PAPPA: variants seen among roughly 807,000 people sequenced by gnomAD.
The protein encoded by PAPPA is pappalysin-1.
Under a neutral mutation model 164.0 loss-of-function variants are expected in PAPPA, and 60 were observed. The ratio of observed to expected loss-of-function variants is 0.37; its 90% CI spans 0.30 to 0.45. The LOEUF is 0.45. Ranked by LOEUF, PAPPA falls within the 20% of genes least tolerant of loss-of-function variation. PAPPA has a pLI of 1.00. For synonymous variants in PAPPA, 875 were observed against 814.1 expected (o/e 1.07, Z -1.27); for missense variants, 1,782 against 2,087.3 (o/e 0.85, Z 2.85).
rs375942728 is a variant in PAPPA, at chr9:116,400,032, AGAAAG to A, written c.*3417_*3421del. On this transcript the variant is annotated 3_prime_UTR_variant, in exon 22 of 22. Transcript: ENST00000328252. ...TCTTACCTGTGTGAAAGAAAGAAAA[AGAAAG>A]AAAGAAAGAAAGAGAAAGGAAATTA... 109 of 143,026 alleles carry A rather than the reference AGAAAG, an allele frequency of 7.6e-4. No homozygotes were observed. The highest frequency in any genetic ancestry group is 2.6e-3 in the African/African-American group (107 of 40,710). 8.9% of individuals were successfully genotyped at this position (143,026 alleles called of 1,614,324 possible).
intron 7 of PAPPA, among the ~76,000 whole-genome samples, chr9:116,243,554 C>T (rs923655617): frequency 3.3e-5 from 5 of 152,134 alleles, no homozygotes; most frequent in African/African-American, 1.2e-4. Context: ...TATCCCTTTG[C>T]CTGACCCCAA....
intron 10 of PAPPA, among the ~76,000 whole-genome samples, chr9:116,305,789 C>G (rs1342641929): frequency 6.6e-6 from 1 of 152,120 alleles, no homozygotes; most frequent in South Asian, 2.1e-4. Flanking sequence ...AACATGAGGT[C>G]ACATTCAAAA....
chr9:116,159,275 T>G (rs770664565), intron 1 of PAPPA, among the ~76,000 whole-genome samples: 3 of 152,136 alleles, frequency 2.0e-5, no homozygotes, highest in Non-Finnish European at 4.4e-5. Flanking sequence ...AAGTACCCAG[T>G]GCAGTGTCAA....
At chr9:116,240,832 G>A (rs1196071434) in intron 7 of PAPPA, among the ~76,000 whole-genome samples, 2 of 152,306 alleles carry the variant, frequency 1.3e-5, no homozygotes, top group East Asian at 3.9e-4. Flanking sequence ...GAACAAGTAT[G>A]TTTGTTTATG....
At chr9:116,237,616 A>T (rs558391619) in intron 7 of PAPPA, among the ~76,000 whole-genome samples, 1 of 152,280 alleles carries the variant, frequency 6.6e-6, no homozygotes, top group South Asian at 2.1e-4. Context: ...CAGCTAAATC[A>T]CTAACTGGCT....
Position 116,360,633 on chromosome 9 carries a change from T to C in PAPPA, c.4348-1959T>C, listed in dbSNP as rs143546012. Among the ~76,000 whole-genome samples the C allele has an allele frequency of 3.7e-3, 562 of 152,356 alleles. 4 individuals are homozygous for C. Among genetic ancestry groups the C allele is most frequent in the African/African-American group, 0.013 (551 of 41,578 alleles). On this transcript the variant is annotated intron_variant, in intron 17 of 21. Transcript: ENST00000328252. ...ACTCACTTGTGCATTTATTTCCTCA[T>C]CTGTGTGTTCATTTATTTTCTTATT...
chr9:116,332,759 G>C (rs928323078), intron 12 of PAPPA: 52 of 268,214 alleles, frequency 1.9e-4, no homozygotes, highest in African/African-American at 1.0e-3. Context: ...AAGAAGGAGA[G>C]AGACTGAGTA....
chr9:116,359,788 A>C (rs573126123), intron 17 of PAPPA, among the ~76,000 whole-genome samples: 1 of 152,370 alleles, frequency 6.6e-6, no homozygotes, highest in Non-Finnish European at 1.5e-5. Context: ...TCTAGCAGGA[A>C]GGATACATAC....
At chr9:116,257,474 G>C (rs946671692) in intron 7 of PAPPA, among the ~76,000 whole-genome samples, 1 of 151,982 alleles carries the variant, frequency 6.6e-6, no homozygotes, top group Non-Finnish European at 1.5e-5. Context: ...GCCAAGGCGG[G>C]TGGATCATGA....
In PAPPA at chr9:116,187,168, T is replaced by C. The variant is rs747739826; in HGVS notation, c.430T>C (p.Cys144Arg). 2 of 1,613,138 alleles carry C rather than the reference T, an allele frequency of 1.2e-6. No homozygotes were observed. Among genetic ancestry groups the C allele is most frequent in the East Asian group, 2.2e-5 (1 of 44,852 alleles). The change falls in exon 2 of 22, where the codon TGT becomes CGT. Residue 144 changes from cysteine to arginine, a missense_variant. Cys to Arg is a radical substitution (Grantham distance 180). This residue lies in a region of PAPPA where 458 missense variants were observed against 430.3 expected (regional missense o/e 1.06). Coordinates refer to ENST00000328252, the MANE Select transcript of PAPPA (RefSeq NM_002581.5). This position sits in a 1 kb window ranked among gnomAD's most constrained non-coding sequence, Gnocchi z 4.2. ...GGGCCACATAGGGCTGTATGACAAA[T>C]GTTCTTATATCTCACGTGACCGAGG... ...PAVITGLYDK[C>R]SYISRDRGWV...
chr9:116,307,402 C>T lies in PAPPA; in HGVS notation c.3147+4452C>T, dbSNP rs1258685337. Among the ~76,000 whole-genome samples, 3 of 152,012 alleles carry T rather than the reference C, an allele frequency of 2.0e-5. 1 individual carries two copies. The highest frequency in any genetic ancestry group is 4.8e-5 in the African/African-American group (2 of 41,384). On this transcript the variant is annotated intron_variant, in intron 10 of 21. Transcript: ENST00000328252. ...ATCACCTGAGGTCAGGAGTTTGAGG[C>T]CAGCCTGACCAACATGGTGAAACCC... is the stretch of plus-strand genomic sequence containing the variant.
chr9:116,225,589 A>C (rs911705177), intron 5 of PAPPA, among the ~76,000 whole-genome samples: 4 of 152,350 alleles, frequency 2.6e-5, no homozygotes, highest in Non-Finnish European at 5.9e-5. Flanking sequence ...ATATTTATAA[A>C]TATTTCTGCA....
At chr9:116,374,191 A>G (rs10817877) in intron 19 of PAPPA, among the ~76,000 whole-genome samples, 42,055 of 129,458 alleles carry the variant, frequency 0.32, 5,966 homozygotes, top group South Asian at 0.38. Flanking sequence ...GATGGTGGTG[A>G]TGATGATGGT....
intron 7 of PAPPA, among the ~76,000 whole-genome samples, chr9:116,249,985 A>G (rs1483998621): frequency 6.6e-6 from 1 of 150,562 alleles, no homozygotes; most frequent in African/African-American, 2.4e-5. Flanking sequence ...GTGTGTGTGC[A>G]TGTACATGCA....
intron 7 of PAPPA, among the ~76,000 whole-genome samples, chr9:116,253,588 A>G (rs539887028): frequency 6.6e-6 from 1 of 152,306 alleles, no homozygotes; most frequent in South Asian, 2.1e-4. Flanking sequence ...AAAAAGTGAG[A>G]CCAAAGTACC....
Position 116,235,544 on chromosome 9 carries a change from A to C in PAPPA, c.2639A>C (p.Gln880Pro). 6.2e-7 allele frequency: 1 copy of C among 1,613,698 alleles called. No individual in the cohort carries two copies. Among genetic ancestry groups the C allele is most frequent in the Non-Finnish European group, 8.5e-7 (1 of 1,180,016 alleles). ...ACTGCAGACACCCCACTCTGTCTACAGTGTAAGCCCCTGAAGTATAAGGTG... is the reference window on the plus strand; with the variant it reads ...ACTGCAGACACCCCACTCTGTCTACCGTGTAAGCCCCTGAAGTATAAGGTG... ...TSTADTPLCL[Q>P]CKPLKYKVVR... The change falls in exon 7 of 22, where the codon CAG becomes CCG. Residue 880 changes from glutamine to proline, a missense_variant. Physicochemically the swap from Gln to Pro is moderately conservative, Grantham distance 76. This residue lies in a region of PAPPA where 1,324 missense variants were observed against 1,656.9 expected (regional missense o/e 0.80). Transcript: ENST00000328252.
chr9:116,177,519 A>G (rs1264061754), intron 1 of PAPPA, among the ~76,000 whole-genome samples: 1 of 152,144 alleles, frequency 6.6e-6, no homozygotes. Context: ...GTGAAAGGGG[A>G]TGATTAAATA....
At chr9:116,372,877 G>C (rs1034796799) in intron 19 of PAPPA, among the ~76,000 whole-genome samples, 3 of 152,164 alleles carry the variant, frequency 2.0e-5, no homozygotes, top group Non-Finnish European at 4.4e-5. Context: ...GGATTATCAC[G>C]TTACAGATGA....
At chr9:116,241,943 TTGTA>T (rs1181048623) in intron 7 of PAPPA, among the ~76,000 whole-genome samples, 17 of 152,248 alleles carry the variant, frequency 1.1e-4, no homozygotes, top group African/African-American at 4.1e-4. Context: ...TCCTTTGTTC[TTGTA>T]TGTATTAATT....
Sources: gnomAD v4.1 joint callset for allele counts (sites outside exome capture counted in the v4.1 genomes callset) on GRCh38, gnomAD v4.1.1 for gene constraint, gnomAD v4.1.1 regional missense constraint, Gnocchi (gnomAD v3.1) non-coding constraint, MANE v1.5 for transcripts, NCBI Gene and HGNC (gene_info 2026-07-23, HGNC 2026-07-21) for gene names.